Variants in PDXDC1 observed in about 807,000 individuals in gnomAD.
PDXDC1 encodes pyridoxal dependent decarboxylase domain containing 1.
In PDXDC1, 42 loss-of-function variants were observed where a neutral mutation model predicts 100.1. That is an observed-to-expected ratio of 0.42 (90% CI 0.33 to 0.54). The LOEUF is 0.54. Among genes scored for constraint, PDXDC1 ranks in the 20% least tolerant of loss-of-function variants. The pLI is 0.10. For missense variants in PDXDC1, 636 were observed against 979.2 expected (o/e 0.65, Z 4.68); for synonymous variants, 260 against 371.7 (o/e 0.70, Z 3.46).
chr16:15,017,616 AATT>A (rs1340508328), intron 11 of PDXDC1, among the ~76,000 whole-genome samples, 194 bp downstream of exon 11: 2 of 152,288 alleles, frequency 1.3e-5, no homozygotes, highest in Non-Finnish European at 2.9e-5. Context: ...GTCACAATTT[AATT>A]ATTCTCCATT....
chr16:14,991,582 A>G lies in PDXDC1; in HGVS notation c.22-6171A>G, dbSNP rs1286048203. On this transcript the variant is annotated intron_variant, in intron 1 of 22. Transcript: ENST00000396410. ...TGCTCTGTCACCCAGGCAGTGGCAC[A>G]ATCTTGTCTCACTGTAGCCTTGACC... is the stretch of plus-strand genomic sequence containing the variant. Among the ~76,000 whole-genome samples, 4 of 150,134 alleles carry G rather than the reference A, an allele frequency of 2.7e-5. No homozygotes were observed. The East Asian group carries it at 7.9e-4, about 30-fold the overall frequency.
chr16:15,079,632 G>A (rs1441848765), intron 16 of PDXDC1, among the ~76,000 whole-genome samples: 1 of 149,316 alleles, frequency 6.7e-6, no homozygotes, highest in African/African-American at 2.5e-5. Flanking sequence ...TCGCTCTGTC[G>A]CCCAGGCTGG....
intron 16 of PDXDC1, among the ~76,000 whole-genome samples, chr16:15,063,642 T>C (rs1468663228): frequency 6.8e-6 from 1 of 148,046 alleles, no homozygotes; most frequent in East Asian, 2.0e-4. Context: ...GAGACGGAGC[T>C]TGCAGCGAGC....
rs762768631 is a variant in PDXDC1 at position 15,104,587 on chromosome 16, A to T, written c.1400-34292A>T. ...TCATCCGCTGAGGGTGGAAGGGGAT[A>T]GAGCAGACACTCCGCAGGTGTCTTG... On this transcript the variant is annotated intron_variant, in intron 16 of 16. Coordinates refer to the PDXDC1 transcript ENST00000535621. 38 of 1,599,128 alleles carry T rather than the reference A, an allele frequency of 2.4e-5. 1 individual carries two copies. The highest frequency in any genetic ancestry group is 1.8e-4 in the South Asian group (16 of 90,952).
At chr16:15,152,255 C>A in the PDXDC1 span, among the ~76,000 whole-genome samples, 1 of 114,088 alleles carries the variant, frequency 8.8e-6, no homozygotes. Context: ...TGCGTGAGCT[C>A]CCCAGGAAGG....
At chr16:15,147,482 C>T in the PDXDC1 span, among the ~76,000 whole-genome samples, 6 of 152,150 alleles carry the variant, frequency 3.9e-5, no homozygotes, top group Admixed American at 3.9e-4. Context: ...GAGGGCTCAG[C>T]GCAGGGCCCG....
intron 16 of PDXDC1, among the ~76,000 whole-genome samples, chr16:15,089,483 A>C (rs1451211598): frequency 3.3e-5 from 5 of 152,008 alleles, no homozygotes; most frequent in African/African-American, 4.8e-5. Context: ...TAAGATCAAG[A>C]AACTATCAAG....
chr16:15,015,354 C>T (rs1427677243), intron 8 of PDXDC1, among the ~76,000 whole-genome samples: 4 of 152,248 alleles, frequency 2.6e-5, no homozygotes, highest in East Asian at 1.9e-4. Flanking sequence ...AATGAAAGTA[C>T]CATAGCCATA....
chr16:14,976,634 AT>A (rs1966849095), intron 1 of PDXDC1: 1 of 152,384 alleles, frequency 6.6e-6, no homozygotes, highest in Admixed American at 6.5e-5. Context: ...GCAGGGGGCA[AT>A]TTATTTCCCC....
At chr16:15,069,524 A>C (rs957035215) in intron 16 of PDXDC1, among the ~76,000 whole-genome samples, 5 of 152,218 alleles carry the variant, frequency 3.3e-5, no homozygotes, top group Non-Finnish European at 7.3e-5. Flanking sequence ...GAAATTAGCA[A>C]AACAATACTG....
At chr16:15,092,743 C>T in intron 16 of PDXDC1, 1 of 645,012 alleles carries the variant, frequency 1.6e-6, no homozygotes, top group Non-Finnish European at 2.8e-6. Flanking sequence ...TCCCTGCTTC[C>T]ACTCTTAACC....
chr16:15,076,719 A>C, intron 16 of PDXDC1: 1 of 1,111,312 alleles, frequency 9.0e-7, no homozygotes, highest in South Asian at 1.3e-5. Flanking sequence ...TTTGGGATGG[A>C]AATTCATCTG....
At chr16:15,056,014 C>A in intron 16 of PDXDC1, 1 of 1,072,378 alleles carries the variant, frequency 9.3e-7, no homozygotes, top group South Asian at 4.6e-5. Flanking sequence ...GGCGGCGGCC[C>A]CCCGCTTTGC....
chr16:15,037,201 T>C lies in PDXDC1; in HGVS notation c.*926T>C, dbSNP rs1042417267. 1 of 152,222 alleles carries C rather than the reference T, an allele frequency of 6.6e-6. No individual in the cohort carries two copies. The highest frequency in any genetic ancestry group is 2.4e-5 in the African/African-American group (1 of 41,446). 9.4% of individuals were successfully genotyped at this position (152,222 alleles called of 1,614,324 possible). A position where few individuals can be genotyped will look rare whatever the true frequency, so the allele number is the denominator to read the frequency against. On this transcript the variant is annotated 3_prime_UTR_variant, in exon 23 of 23. Coordinates refer to ENST00000396410, the MANE Select transcript of PDXDC1 (RefSeq NM_015027.4). ...AGAAACAGGAGCCAGCAGAGCACTC[T>C]CTCACGCTGATCCAGCCGGGCACCC...
At chr16:14,989,073 A>G in intron 1 of PDXDC1, 1 of 1,614,242 alleles carries the variant, frequency 6.2e-7, no homozygotes, top group Non-Finnish European at 8.5e-7. Flanking sequence ...ATAGAGCGTC[A>G]GGTTCACGGT....
chr16:15,117,473 A>G (rs960569239), intron 16 of PDXDC1, among the ~76,000 whole-genome samples: 16 of 150,578 alleles, frequency 1.1e-4, no homozygotes, highest in African/African-American at 3.9e-4. Flanking sequence ...CCTGGCGAAC[A>G]TGGTGAAACC....
chr16:15,036,206 C>T lies in PDXDC1; in HGVS notation c.2298C>T (p.Ala766=). Residue 766 remains alanine, a synonymous_variant, in exon 23 of 23, where the codon GCC becomes GCT. Coordinates refer to ENST00000396410, the MANE Select transcript of PDXDC1 (RefSeq NM_015027.4). ...PSPQHTDQTE[A]FQKGVPHPED... is the part of the protein sequence containing the mutation. ...CTCAGCACACCGACCAGACCGAGGCCTTCCAGAAAGGGGTCCCACACCCAG... is the reference window on the plus strand; with the variant it reads ...CTCAGCACACCGACCAGACCGAGGCTTTCCAGAAAGGGGTCCCACACCCAG... 6.2e-7 allele frequency: 1 copy of T among 1,614,116 alleles called. No homozygotes were observed.
chr16:15,109,878 G>C (rs1415582518), intron 16 of PDXDC1, among the ~76,000 whole-genome samples: 2 of 141,228 alleles, frequency 1.4e-5, no homozygotes, highest in East Asian at 4.1e-4. Context: ...AAAAGGCTGG[G>C]TGTGGTGGCT....
downstream of PDXDC1, chr16:15,039,974 C>G: frequency 6.3e-7 from 1 of 1,579,382 alleles, no homozygotes; most frequent in Non-Finnish European, 8.7e-7. Context: ...CTCACTGGTC[C>G]TCCTGCTAAA....
Sources: allele counts gnomAD v4.1 joint callset (sites outside exome capture counted in the v4.1 genomes callset), GRCh38; gene constraint gnomAD v4.1.1; transcripts MANE v1.5; gene names NCBI Gene and HGNC (gene_info 2026-07-23, HGNC 2026-07-21).